Variants in MINK1 observed in about 807,000 individuals in gnomAD.
MINK1 encodes misshapen-like kinase 1.
Under a neutral mutation model 178.4 loss-of-function variants are expected in MINK1, and 46 were observed. The ratio of observed to expected loss-of-function variants is 0.26; its 90% CI spans 0.20 to 0.33. MINK1 has a LOEUF of 0.33. MINK1 is among the 10% of genes least tolerant of loss of function. The pLI, the probability that MINK1 is intolerant of heterozygous loss-of-function variation, is 1.00. For missense variants in MINK1, 1,366 were observed against 1,814.9 expected (o/e 0.75, Z 4.49); for synonymous variants, 797 against 709.7 (o/e 1.12, Z -1.96).
At chr17:4,876,171 C>T (rs1967167148) in intron 1 of MINK1, among the ~76,000 whole-genome samples, 1 of 152,028 alleles carries the variant, frequency 6.6e-6, no homozygotes, top group Non-Finnish European at 1.5e-5. Context: ...TCTGGTCAGC[C>T]CAGTCCCCTT....
intron 1 of MINK1, among the ~76,000 whole-genome samples, chr17:4,871,973 A>T (rs1915910389): frequency 6.6e-6 from 1 of 152,088 alleles, no homozygotes; most frequent in South Asian, 2.1e-4. Context: ...CAGCCTCCTG[A>T]GGGAAATACA....
intron 1 of MINK1, among the ~76,000 whole-genome samples, chr17:4,863,030 G>T (rs1317543179): frequency 2.0e-5 from 3 of 152,082 alleles, no homozygotes; most frequent in African/African-American, 7.2e-5. Flanking sequence ...GCAAGACCCT[G>T]CCTCACAAAA....
chr17:4,893,770 G>T, intron 21 of MINK1, 173 bp downstream of exon 21: 1 of 1,095,666 alleles, frequency 9.1e-7, no homozygotes. Flanking sequence ...GTGTGTTGTG[G>T]GGTGGCCTCT....
At chr17:4,839,250 T>G (rs900112956) in intron 1 of MINK1, among the ~76,000 whole-genome samples, 2 of 152,198 alleles carry the variant, frequency 1.3e-5, no homozygotes, top group Admixed American at 1.3e-4. Flanking sequence ...GCCTAGACTC[T>G]TTTTCTTAAC....
chr17:4,848,502 A>G (rs933506593), intron 1 of MINK1, among the ~76,000 whole-genome samples: 20 of 152,074 alleles, frequency 1.3e-4, no homozygotes. Flanking sequence ...CTGGGACTAC[A>G]GGCACCTGCC....
In MINK1 at chr17:4,836,700, T is replaced by C. The variant is rs554389497; in HGVS notation, c.57+3060T>C. Among the ~76,000 whole-genome samples the C allele has an allele frequency of 4.2e-4, 64 of 152,320 alleles. No individual in the cohort carries two copies. Among genetic ancestry groups the C allele is most frequent in the Middle Eastern group, 6.8e-3 (2 of 294 alleles). ...GTGATCATATATGTGATAGCCCTTT[T>C]TGCAGTTATTTTTATCAAATGGCAA... On this transcript the variant is annotated intron_variant, in intron 1 of 31. Transcript: ENST00000355280. The surrounding 1 kb of genome is among the most constrained non-coding windows in gnomAD (Gnocchi z 4.3).
At chr17:4,848,577 G>GGGTT (rs1243709288) in intron 1 of MINK1, among the ~76,000 whole-genome samples, 6 of 152,300 alleles carry the variant, frequency 3.9e-5, no homozygotes, top group African/African-American at 1.4e-4. Context: ...AGCCAGGATG[G>GGGTT]TCTCCATCTC....
In MINK1 at chr17:4,887,712, G is replaced by C. The variant is rs371096342; in HGVS notation, c.1152G>C (p.Glu384Asp). Residue 384 changes from glutamate (E) to aspartate (D), a missense_variant, in exon 12 of 32, where the codon GAG becomes GAC. Around this residue, in one of 14 missense-constraint regions of MINK1, gnomAD observed 56 missense variants for 64.0 expected, o/e 0.87. Coordinates refer to ENST00000355280, the MANE Select transcript of MINK1 (RefSeq NM_153827.5). This position sits in a 1 kb window ranked among gnomAD's most constrained non-coding sequence, Gnocchi z 7.6. ...QLQQQQQRDP[E>D]AHIKHLLHQR... Reference sequence around the variant, plus strand: ...AGCAGCAGCAGCAGCGAGACCCCGAGGCACACATCAAACACCTGCTGCACC... The same window carrying C: ...AGCAGCAGCAGCAGCGAGACCCCGACGCACACATCAAACACCTGCTGCACC... 5.1e-6 allele frequency: 8 copies of C among 1,557,654 alleles called. No homozygotes were observed. Among genetic ancestry groups the C allele is most frequent in the Non-Finnish European group, 6.1e-6 (7 of 1,151,612 alleles).
intron 1 of MINK1, among the ~76,000 whole-genome samples, chr17:4,846,478 C>T (rs1263278786): frequency 6.6e-6 from 1 of 152,196 alleles, no homozygotes; most frequent in Non-Finnish European, 1.5e-5. Flanking sequence ...TTTCCTTGGA[C>T]TGAGTCTCAG....
At chr17:4,834,742 G>A in intron 1 of MINK1, 1 of 519,882 alleles carries the variant, frequency 1.9e-6, no homozygotes. Flanking sequence ...CTCTCACCAG[G>A]CCAAGGTGTG....
At chr17:4,893,709 C>A in intron 21 of MINK1, 112 bp downstream of exon 21, 1 of 1,370,976 alleles carries the variant, frequency 7.3e-7, no homozygotes. Context: ...CGGCTCCCTT[C>A]TCTAGAGAGT....
intron 1 of MINK1, among the ~76,000 whole-genome samples, chr17:4,877,198 C>CA (rs371381568): frequency 3.4e-4 from 50 of 147,450 alleles, no homozygotes; most frequent in Admixed American, 1.8e-3. Context: ...TTCTTTCTCT[C>CA]AAAAAAAAAA....
chr17:4,866,492 A>G (rs897483111), intron 1 of MINK1, among the ~76,000 whole-genome samples: 3 of 151,538 alleles, frequency 2.0e-5, no homozygotes, highest in Non-Finnish European at 2.9e-5. Context: ...AAAAATTTCT[A>G]TCTTACTGAA....
At chr17:4,857,198 G>T in intron 1 of MINK1, 3 of 314,834 alleles carry the variant, frequency 9.5e-6, no homozygotes, top group South Asian at 8.8e-5. Context: ...TACCAGCCAT[G>T]ACCACTGGGA....
Position 4,886,228 on chromosome 17 carries a change from A to T in MINK1, c.773+30A>T, listed in dbSNP as rs1312500929. On this transcript the variant is annotated intron_variant, in intron 9 of 31. Transcript: ENST00000355280. The surrounding 1 kb of genome is among the most constrained non-coding windows in gnomAD (Gnocchi z 6.1). ...GTCTCTGAGAGTGTGGGCTCTGGGA[A>T]GGAAGGTCCCTGGACAAGGCCATCC... 2.5e-6 allele frequency: 4 copies of T among 1,609,100 alleles called. No homozygotes were observed. Among genetic ancestry groups the T allele is most frequent in the Non-Finnish European group, 3.4e-6 (4 of 1,175,522 alleles).
intron 1 of MINK1, chr17:4,859,073 G>A: frequency 5.3e-6 from 5 of 951,496 alleles, no homozygotes; most frequent in Non-Finnish European, 6.3e-6. Context: ...GAACAGCACT[G>A]GCTCTAGCAG....
chr17:4,875,109 G>A (rs370785220), intron 1 of MINK1: 10 of 519,918 alleles, frequency 1.9e-5, no homozygotes, highest in African/African-American at 3.9e-5. Context: ...CAGTTCAGAC[G>A]CCCCGGAATG....
rs543028059 is a variant in MINK1 at position 4,893,064 on chromosome 17, C to A, written c.2397C>A (p.Pro799=). 1 of 1,560,476 alleles carries A rather than the reference C, an allele frequency of 6.4e-7. No homozygotes were observed. The highest frequency in any genetic ancestry group is 1.9e-5 in the Admixed American group (1 of 51,848). ...ACCACCGCTCACGGCCAGGCCGGCC[C>A]GCAGTGAGTCACCTGGTGGCAGGCA... ...PDDHRSRPGR[P]ADFVLLKERT... Residue 799 remains proline, a synonymous_variant, in exon 20 of 32, where the codon CCC becomes CCA. Coordinates refer to ENST00000355280, the MANE Select transcript of MINK1 (RefSeq NM_153827.5).
At chr17:4,834,958 GT>G (rs551688577) in intron 1 of MINK1, 1 of 434,874 alleles carries the variant, frequency 2.3e-6, no homozygotes. Context: ...AGGTGACACA[GT>G]TTTTTTTCTT....
Sources: allele counts gnomAD v4.1 joint callset (sites outside exome capture counted in the v4.1 genomes callset), GRCh38; gene constraint gnomAD v4.1.1; regional missense constraint gnomAD v4.1.1; non-coding constraint Gnocchi (gnomAD v3.1); transcripts MANE v1.5; gene names NCBI Gene and HGNC (gene_info 2026-07-23, HGNC 2026-07-21).